The following BANK1 variants were observed in gnomAD, a reference collection of about 807,000 sequenced individuals.
The protein encoded by BANK1 is B-cell scaffold protein with ankyrin repeats.
BANK1 carries 95 observed loss-of-function variants against 94.5 expected under a neutral mutation model. The observed-to-expected ratio is 1.00, with a 90% CI of 0.85 to 1.19. The LOEUF is 1.19. BANK1 is among the 50% of genes most tolerant of loss of function. The pLI, the probability that BANK1 is intolerant of heterozygous loss-of-function variation, is 0.00. For missense variants in BANK1, 987 were observed against 932.2 expected (o/e 1.06, Z -0.77); for synonymous variants, 334 against 308.4 (o/e 1.08, Z -0.87).
intron 7 of BANK1, among the ~76,000 whole-genome samples, chr4:101,930,460 AGGG>A (rs1723301525): frequency 2.0e-5 from 3 of 151,588 alleles, no homozygotes; most frequent in African/African-American, 7.2e-5. Context: ...TAAACAAGGG[AGGG>A]AGTGTTCTTT....
At chr4:102,067,837 A>G (rs1728642739) in intron 13 of BANK1, among the ~76,000 whole-genome samples, 1 of 152,080 alleles carries the variant, frequency 6.6e-6, no homozygotes, top group South Asian at 2.1e-4. Context: ...TTTTTAAGTC[A>G]GAATACATAT....
At chr4:101,884,821 C>T (rs762109989) in intron 5 of BANK1, among the ~76,000 whole-genome samples, 3 of 152,176 alleles carry the variant, frequency 2.0e-5, no homozygotes, top group Non-Finnish European at 4.4e-5. Context: ...CTATAATAGT[C>T]TCCTTATTGG....
chr4:101,827,167 C>CA (rs1356003248), intron 1 of BANK1, among the ~76,000 whole-genome samples: 2 of 151,822 alleles, frequency 1.3e-5, no homozygotes, highest in Non-Finnish European at 2.9e-5. Context: ...ATATATCTCT[C>CA]AAAGTCCTCT....
chr4:101,938,098 G>T (rs561204093), intron 7 of BANK1, among the ~76,000 whole-genome samples: 10 of 151,694 alleles, frequency 6.6e-5, no homozygotes, highest in East Asian at 2.0e-4. Context: ...AGGGGTGGGG[G>T]TCTAGGGGAG....
At chr4:101,817,716 C>G (rs560878309) in intron 1 of BANK1, among the ~76,000 whole-genome samples, 1 of 152,042 alleles carries the variant, frequency 6.6e-6, no homozygotes, top group Non-Finnish European at 1.5e-5. Flanking sequence ...AATTGTCTTT[C>G]GGTATACAGG....
At chr4:101,835,526 CA>C (rs1446326974) in intron 2 of BANK1, among the ~76,000 whole-genome samples, 2 of 152,130 alleles carry the variant, frequency 1.3e-5, no homozygotes, top group Non-Finnish European at 2.9e-5. Flanking sequence ...CCAAGGATTT[CA>C]AATTTTTAGC....
intron 1 of BANK1, among the ~76,000 whole-genome samples, chr4:101,792,435 A>G (rs1725021068): frequency 7.3e-6 from 1 of 136,914 alleles, no homozygotes; most frequent in Non-Finnish European, 1.5e-5. Context: ...TTATAAATCC[A>G]GTGGTTTGTG....
At chr4:101,850,085 T>C (rs1380450912) in intron 2 of BANK1, among the ~76,000 whole-genome samples, 1 of 152,312 alleles carries the variant, frequency 6.6e-6, no homozygotes, top group East Asian at 1.9e-4. Context: ...AATCCATCAC[T>C]GGATAGGGAT....
At chr4:101,984,790 T>C (rs1315052384) in intron 7 of BANK1, among the ~76,000 whole-genome samples, 1 of 152,058 alleles carries the variant, frequency 6.6e-6, no homozygotes, top group East Asian at 1.9e-4. Context: ...TAAATAGCTA[T>C]CTGCATAAGA....
chr4:101,800,524 C>T (rs183833033), intron 1 of BANK1, among the ~76,000 whole-genome samples: 26 of 152,002 alleles, frequency 1.7e-4, no homozygotes, highest in Admixed American at 1.5e-3. Flanking sequence ...CCTTTTTATC[C>T]ATATTGGAAT....
At chr4:101,980,512 T>G (rs1298690030) in intron 7 of BANK1, among the ~76,000 whole-genome samples, 1 of 151,940 alleles carries the variant, frequency 6.6e-6, no homozygotes, top group Non-Finnish European at 1.5e-5. Context: ...TGTTTTAATC[T>G]GATAAGGCTG....
chr4:102,059,158 C>T (rs774670768), intron 11 of BANK1, among the ~76,000 whole-genome samples: 28 of 152,190 alleles, frequency 1.8e-4, no homozygotes, highest in Non-Finnish European at 2.2e-4. Context: ...TTGTTAATAT[C>T]GTCTGGATAG....
At chr4:102,043,476 A>C (rs1167573394) in intron 10 of BANK1, among the ~76,000 whole-genome samples, 1 of 152,072 alleles carries the variant, frequency 6.6e-6, no homozygotes, top group African/African-American at 2.4e-5. Context: ...AAAAGTCAGC[A>C]TGGGTAATTT....
chr4:101,892,509 G>A (rs1452081672), intron 5 of BANK1, among the ~76,000 whole-genome samples: 1 of 149,366 alleles, frequency 6.7e-6, no homozygotes, highest in Non-Finnish European at 1.5e-5. Flanking sequence ...AAATACAGAT[G>A]CATGTATGCA....
chr4:101,895,379 T>G lies in BANK1; in HGVS notation c.978T>G (p.Ser326=), dbSNP rs1248792172. ...KHEIPYYEFQ[S]LQTEICSQNK... is the part of the protein sequence containing the mutation. ...AGATACCATATTATGAGTTCCAGTC[T>G]CTTCAAACTGAAATTTGTTCTCAAA... The change falls in exon 6 of 17, where the codon TCT becomes TCG. Residue 326 remains serine, a synonymous_variant. Transcript: ENST00000322953. 3 of 1,593,228 alleles carry G rather than the reference T, an allele frequency of 1.9e-6. No individual in the cohort carries two copies. Among genetic ancestry groups the G allele is most frequent in the Non-Finnish European group, 2.6e-6 (3 of 1,168,124 alleles).
chr4:101,892,583 T>C (rs1052027359), intron 5 of BANK1, among the ~76,000 whole-genome samples: 12 of 151,782 alleles, frequency 7.9e-5, no homozygotes, highest in Admixed American at 3.3e-4. Context: ...AATAACAAAA[T>C]AATAACACTA....
At chr4:101,980,631 A>G (rs1187643106) in intron 7 of BANK1, among the ~76,000 whole-genome samples, 1 of 151,966 alleles carries the variant, frequency 6.6e-6, no homozygotes, top group Non-Finnish European at 1.5e-5. Flanking sequence ...TGAAAAATAA[A>G]ATGTTACTGG....
intron 7 of BANK1, among the ~76,000 whole-genome samples, chr4:101,925,103 T>TTAG (rs5860702): frequency 0.82 from 123,982 of 151,292 alleles, 51,246 homozygotes; most frequent in Non-Finnish European, 0.88. Flanking sequence ...GAAGGGAATC[T>TTAG]TGTTTTTGGG....
chr4:101,869,016 A>G (rs1728180576), intron 4 of BANK1, among the ~76,000 whole-genome samples: 1 of 151,928 alleles, frequency 6.6e-6, no homozygotes, highest in African/African-American at 2.4e-5. Context: ...GATTCAATAT[A>G]TAAGAAATAA....
Sources: gnomAD v4.1 joint callset for allele counts (sites outside exome capture counted in the v4.1 genomes callset) on GRCh38, gnomAD v4.1.1 for gene constraint, MANE v1.5 for transcripts, NCBI Gene and HGNC (gene_info 2026-07-23, HGNC 2026-07-21) for gene names.